The following CBLB variants were observed in gnomAD, a reference collection of about 807,000 sequenced individuals.
The protein encoded by CBLB is Cbl proto-oncogene B, also known as E3 ubiquitin-protein ligase CBL-B.
CBLB carries 31 observed loss-of-function variants against 104.9 expected under a neutral mutation model. The ratio of observed to expected loss-of-function variants is 0.30; its 90% CI spans 0.22 to 0.40. The LOEUF is 0.40. Among genes scored for constraint, CBLB ranks in the 10% least tolerant of loss-of-function variants. The probability of loss-of-function intolerance (pLI) is 1.00; values close to 1 mark genes in which losing one functional copy is unlikely to be tolerated. For missense variants in CBLB, 1,062 were observed against 1,214.6 expected (o/e 0.87, Z 1.87); for synonymous variants, 440 against 422.6 (o/e 1.04, Z -0.51).
At chr3:105,792,257 G>A (rs1001687537) in intron 3 of CBLB, among the ~76,000 whole-genome samples, 6 of 152,138 alleles carry the variant, frequency 3.9e-5, no homozygotes, top group Admixed American at 3.9e-4. Context: ...TACATCTAAA[G>A]CATCTTCAAG....
Position 105,658,944 on chromosome 3 carries a change from C to A in CBLB, c.*26G>T. The A allele has an allele frequency of 6.2e-7, 1 of 1,611,876 alleles. No homozygotes were observed. Among genetic ancestry groups the A allele is most frequent in the Non-Finnish European group, 8.5e-7 (1 of 1,178,302 alleles). ...CTCTTGGAATACATCGATTGCTTTC[C>A]ATTTTGGTGTCTACAGTTCTGGCTG... On this transcript the variant is annotated 3_prime_UTR_variant, in exon 19 of 19. Coordinates refer to ENST00000394030, the MANE Select transcript of CBLB (RefSeq NM_170662.5).
At chr3:105,802,047 T>G (rs915309213) in intron 3 of CBLB, among the ~76,000 whole-genome samples, 1 of 152,182 alleles carries the variant, frequency 6.6e-6, no homozygotes, top group Non-Finnish European at 1.5e-5. Flanking sequence ...AATAACTCAC[T>G]GAATCACTGT....
chr3:105,725,856 T>C (rs918368720), intron 9 of CBLB, among the ~76,000 whole-genome samples: 4 of 147,790 alleles, frequency 2.7e-5, no homozygotes, highest in Admixed American at 6.8e-5. Context: ...TTATCTTTTT[T>C]TTTTACTCTT....
At chr3:105,701,081 C>T (rs889388581) in intron 12 of CBLB, among the ~76,000 whole-genome samples, 1 of 152,162 alleles carries the variant, frequency 6.6e-6, no homozygotes, top group African/African-American at 2.4e-5. Flanking sequence ...CAAAAGCACC[C>T]TGGAACCAAA....
intron 9 of CBLB, among the ~76,000 whole-genome samples, chr3:105,729,932 G>A (rs2074124636): frequency 1.3e-5 from 2 of 152,182 alleles, no homozygotes; most frequent in African/African-American, 2.4e-5. Context: ...TAGTTGGCAG[G>A]AAGCACTACG....
chr3:105,740,447 C>G (rs1275464043), intron 7 of CBLB, 47 bp downstream of exon 7: 2 of 1,607,348 alleles, frequency 1.2e-6, no homozygotes, highest in South Asian at 2.2e-5. Context: ...CTTTATTTTT[C>G]AAATTCATGA....
At chr3:105,862,865 C>T (rs1344330296) in intron 2 of CBLB, among the ~76,000 whole-genome samples, 2 of 152,154 alleles carry the variant, frequency 1.3e-5, no homozygotes, top group African/African-American at 2.4e-5. Flanking sequence ...CTCCTCCATG[C>T]TTCATTCTAC....
At chr3:105,760,214 C>G (rs1476453974) in intron 4 of CBLB, among the ~76,000 whole-genome samples, 2 of 152,118 alleles carry the variant, frequency 1.3e-5, no homozygotes, top group Non-Finnish European at 2.9e-5. Context: ...GTACATAATT[C>G]TATTTATTTT....
intron 10 of CBLB, among the ~76,000 whole-genome samples, chr3:105,719,694 C>T (rs726444): frequency 0.21 from 31,831 of 152,096 alleles, 3,449 homozygotes; most frequent in Admixed American, 0.26. Context: ...TATGTACTTA[C>T]TATACTATAC....
chr3:105,761,731 T>C (rs1370613056), intron 4 of CBLB, among the ~76,000 whole-genome samples: 1 of 152,114 alleles, frequency 6.6e-6, no homozygotes, highest in Non-Finnish European at 1.5e-5. Context: ...TTGGTGCCAG[T>C]AGAGTGGGGT....
intron 3 of CBLB, among the ~76,000 whole-genome samples, chr3:105,807,302 A>G (rs2153031787): frequency 6.6e-6 from 1 of 152,324 alleles, no homozygotes; most frequent in Non-Finnish European, 1.5e-5. Flanking sequence ...CACACCTGTA[A>G]TCCCAGCATT....
chr3:105,816,352 C>G (rs73854893), intron 3 of CBLB, among the ~76,000 whole-genome samples: 1 of 152,034 alleles, frequency 6.6e-6, no homozygotes, highest in South Asian at 2.1e-4. Context: ...TTGAAACAAA[C>G]GTGTCAACTA....
In CBLB at chr3:105,746,027, A is replaced by T; in HGVS notation, c.735T>A (p.Ser245=). 1.2e-6 allele frequency: 2 copies of T among 1,604,660 alleles called. No homozygotes were observed. Among genetic ancestry groups the T allele is most frequent in the Non-Finnish European group, 1.7e-6 (2 of 1,171,488 alleles). The change falls in exon 6 of 19, where the codon TCT becomes TCA. Residue 245 remains serine, a synonymous_variant. Transcript: ENST00000394030. ...IFTRLFQPWG[S]ILRNWNFLAV... is the part of the protein sequence containing the mutation. ...CTAAGAAATTCCAATTCCGCAAAAT[A>T]GAGCCCCAAGGCTAAAAAATAAAAA...
intron 3 of CBLB, among the ~76,000 whole-genome samples, chr3:105,842,332 T>G (rs2089665945): frequency 6.6e-6 from 1 of 152,220 alleles, no homozygotes; most frequent in Non-Finnish European, 1.5e-5. Flanking sequence ...CAAAGTAGCT[T>G]CAGGCTCTTC....
At chr3:105,779,558 A>C (rs2079901467) in intron 3 of CBLB, among the ~76,000 whole-genome samples, 1 of 152,046 alleles carries the variant, frequency 6.6e-6, no homozygotes, top group South Asian at 2.1e-4. Context: ...ATACACTCAC[A>C]CACACTCCAT....
At chr3:105,826,602 C>T (rs1284371541) in intron 3 of CBLB, among the ~76,000 whole-genome samples, 1 of 152,180 alleles carries the variant, frequency 6.6e-6, no homozygotes, top group Non-Finnish European at 1.5e-5. Context: ...ACCCTTTCAT[C>T]CTCTTGTACC....
At chr3:105,826,236 G>A (rs907386073) in intron 3 of CBLB, among the ~76,000 whole-genome samples, 34 of 152,166 alleles carry the variant, frequency 2.2e-4, no homozygotes, top group East Asian at 1.9e-4. Flanking sequence ...TCAGAGAAAC[G>A]AACATACAAA....
intron 3 of CBLB, among the ~76,000 whole-genome samples, chr3:105,802,358 A>G (rs1212080124): frequency 6.6e-6 from 1 of 152,192 alleles, no homozygotes; most frequent in Non-Finnish European, 1.5e-5. Flanking sequence ...GCTTATGTAC[A>G]TCTCTCCGGT....
chr3:105,694,674 T>A (rs1042694733), intron 12 of CBLB, among the ~76,000 whole-genome samples: 7 of 151,932 alleles, frequency 4.6e-5, no homozygotes, highest in African/African-American at 1.4e-4. Flanking sequence ...ATATTTGAAA[T>A]GTATCAACGT....
Sources: allele counts gnomAD v4.1 joint callset (sites outside exome capture counted in the v4.1 genomes callset), GRCh38; gene constraint gnomAD v4.1.1; transcripts MANE v1.5; gene names NCBI Gene and HGNC (gene_info 2026-07-23, HGNC 2026-07-21).